Variants in MINDY3 observed in about 807,000 individuals in gnomAD.
MINDY3 encodes MINDY lysine 48 deubiquitinase 3, also known as ubiquitin carboxyl-terminal hydrolase MINDY-3.
MINDY3 carries 38 observed loss-of-function variants against 69.2 expected under a neutral mutation model. That is an observed-to-expected ratio of 0.55 (90% CI 0.42 to 0.72). The LOEUF is 0.72. Ranked by LOEUF, MINDY3 falls within the 30% of genes least tolerant of loss-of-function variation. The pLI, the probability that MINDY3 is intolerant of heterozygous loss-of-function variation, is 0.00. For missense variants in MINDY3, 522 were observed against 519.0 expected, an observed-to-expected ratio of 1.01 and a Z score of -0.06; for synonymous variants, 192 against 180.1, an observed-to-expected ratio of 1.07 and a Z score of -0.53.
At chr10:15,806,431 G>A (rs111792762) in intron 10 of MINDY3, among the ~76,000 whole-genome samples, 37 of 152,230 alleles carry the variant, frequency 2.4e-4, no homozygotes, top group African/African-American at 7.0e-4. Context: ...AACAAAAAGT[G>A]AGGGCCCCCA....
At chr10:15,858,636 C>T (rs1039670850) in intron 1 of MINDY3, among the ~76,000 whole-genome samples, 1 of 152,138 alleles carries the variant, frequency 6.6e-6, no homozygotes, top group African/African-American at 2.4e-5. Flanking sequence ...ATCACATGAA[C>T]CTGAACCAAG....
At chr10:15,815,136 T>G (rs149617105) in intron 10 of MINDY3, among the ~76,000 whole-genome samples, 1 of 152,350 alleles carries the variant, frequency 6.6e-6, no homozygotes, top group East Asian at 1.9e-4. Flanking sequence ...GAATTAATTT[T>G]CTTTTATGGT....
At chr10:15,822,403 T>G (rs1839828208) in intron 8 of MINDY3, among the ~76,000 whole-genome samples, 1 of 152,146 alleles carries the variant, frequency 6.6e-6, no homozygotes, top group Non-Finnish European at 1.5e-5. Context: ...ATAAAAGTGA[T>G]AACAGGGAGT....
chr10:15,859,049 T>C (rs1402763446), intron 1 of MINDY3, among the ~76,000 whole-genome samples: 1 of 152,210 alleles, frequency 6.6e-6, no homozygotes, highest in Non-Finnish European at 1.5e-5. Context: ...TTCTATCGAT[T>C]TGTGCAACTT....
At chr10:15,788,413 A>T (rs1837142247) in intron 12 of MINDY3, among the ~76,000 whole-genome samples, 1 of 152,092 alleles carries the variant, frequency 6.6e-6, no homozygotes, top group Non-Finnish European at 1.5e-5. Flanking sequence ...GTATGACTGA[A>T]CTCATCTAAA....
chr10:15,860,209 G>C lies in MINDY3; in HGVS notation c.91C>G (p.Gln31Glu), dbSNP rs1834998840. The C allele has an allele frequency of 1.2e-6, 2 of 1,605,678 alleles. No homozygotes were observed. Among genetic ancestry groups the C allele is most frequent in the Non-Finnish European group, 1.7e-6 (2 of 1,175,918 alleles). ...LSDTIFCRWT[Q>E]GFVFSESEGS... The stretch of plus-strand genomic sequence containing the variant: ...TGTGAGAGCCCCGCCAGGGTACCTT[G>C]CGTCCAGCGGCAGAAAATGGTGTCC... Residue 31 changes from glutamine (Q) to glutamate (E), a missense_variant, in exon 1 of 15, where the codon CAA becomes GAA. By Grantham distance (29) the Gln-to-Glu change is conservative. Transcript: ENST00000277632.
intron 12 of MINDY3, 63 bp downstream of exon 12, chr10:15,789,184 A>C: frequency 7.4e-7 from 1 of 1,345,054 alleles, no homozygotes; most frequent in Non-Finnish European, 1.1e-6. Context: ...AAAATGTACA[A>C]TATGTCTTAA....
chr10:15,808,971 AAG>A (rs1838818624), intron 10 of MINDY3, among the ~76,000 whole-genome samples: 1 of 152,136 alleles, frequency 6.6e-6, no homozygotes, highest in South Asian at 2.1e-4. Context: ...AAAAACAAAA[AAG>A]GCATTTATTA....
intron 10 of MINDY3, among the ~76,000 whole-genome samples, chr10:15,805,503 C>T (rs1488629917): frequency 2.0e-5 from 3 of 152,146 alleles, no homozygotes; most frequent in Non-Finnish European, 4.4e-5. Context: ...TGTTCAATCA[C>T]CTAGTGATAC....
In MINDY3 at chr10:15,833,639, A is replaced by G; in HGVS notation, c.721T>C (p.Ser241Pro). ...SNVWDGDREC[S>P]GMKLLGIHEQ... ...CAAGGAATATACTTACTCATTCCTG[A>G]GCACTCTCTATCACCATCCCATACA... The change falls in exon 8 of 15, where the codon TCA becomes CCA. Residue 241 changes from serine to proline, a missense_variant. Physicochemically the swap from Ser to Pro is moderately conservative, Grantham distance 74. Coordinates refer to ENST00000277632, the MANE Select transcript of MINDY3 (RefSeq NM_024948.4). 2 of 1,598,660 alleles carry G rather than the reference A, an allele frequency of 1.3e-6. No homozygotes were observed. The highest frequency in any genetic ancestry group is 1.7e-6 in the Non-Finnish European group (2 of 1,166,274).
chr10:15,827,359 T>C (rs143605867), intron 8 of MINDY3, among the ~76,000 whole-genome samples: 2,591 of 151,806 alleles, frequency 0.017, 54 homozygotes, highest in African/African-American at 0.056. Flanking sequence ...CTGGCTAACA[T>C]GGTAAAATCC....
intron 8 of MINDY3, among the ~76,000 whole-genome samples, chr10:15,825,996 T>C (rs1030664334): frequency 6.6e-6 from 1 of 151,948 alleles, no homozygotes; most frequent in Non-Finnish European, 1.5e-5. Flanking sequence ...ATAAACAATA[T>C]GGACAAAAAT....
intron 10 of MINDY3, among the ~76,000 whole-genome samples, chr10:15,800,046 C>CACTT (rs2131900448): frequency 6.6e-6 from 1 of 152,104 alleles, no homozygotes; most frequent in East Asian, 1.9e-4. Context: ...TGCATGGGTC[C>CACTT]ACTTATATGT....
In MINDY3 at chr10:15,805,967, C is replaced by T. The variant is rs114071477; in HGVS notation, c.883-9795G>A. On this transcript the variant is annotated intron_variant, in intron 10 of 14. Coordinates refer to ENST00000277632, the MANE Select transcript of MINDY3 (RefSeq NM_024948.4). ...AAAGAGGGTACATTGCTTTTAGAGACGTTAAAACATTCTCAAATTCCTTTT... is the reference window on the plus strand; with the variant it reads ...AAAGAGGGTACATTGCTTTTAGAGATGTTAAAACATTCTCAAATTCCTTTT... 5.3e-3 allele frequency among the ~76,000 whole-genome samples: 800 copies of T among 152,140 alleles called. 6 individuals carry two copies. Among genetic ancestry groups the T allele is most frequent in the African/African-American group, 0.018 (767 of 41,528 alleles).
chr10:15,821,635 G>A (rs1237133906), intron 9 of MINDY3, 21 bp downstream of exon 9: 1 of 1,572,586 alleles, frequency 6.4e-7, no homozygotes, highest in South Asian at 1.1e-5. Flanking sequence ...AACATTCAAA[G>A]TACCTTAAAA....
chr10:15,796,165 G>A lies in MINDY3; in HGVS notation c.890C>T (p.Ala297Val), dbSNP rs1389390180. The change falls in exon 11 of 15, where the codon GCT becomes GTT. Residue 297 changes from alanine (A) to valine (V), a missense_variant. Coordinates refer to ENST00000277632, the MANE Select transcript of MINDY3 (RefSeq NM_024948.4). ...HLTVFFAKDM[A>V]LVAPEAPSEQ... ...TGAAGGAGCTTCAGGGGCAACTAAAGCCATATCCTGAAAAGATAAGAAGCA... is the reference window on the plus strand; with the variant it reads ...TGAAGGAGCTTCAGGGGCAACTAAAACCATATCCTGAAAAGATAAGAAGCA... The A allele has an allele frequency of 1.2e-6, 2 of 1,612,314 alleles. No individual in the cohort carries two copies. The highest frequency in any genetic ancestry group is 2.2e-5 in the East Asian group (1 of 44,798).
At chr10:15,819,051 T>C (rs919791473) in intron 9 of MINDY3, among the ~76,000 whole-genome samples, 1 of 152,206 alleles carries the variant, frequency 6.6e-6, no homozygotes, top group Non-Finnish European at 1.5e-5. Flanking sequence ...TTATTCTTTG[T>C]TGGGTTTGTA....
chr10:15,800,837 C>A (rs982752029), intron 10 of MINDY3, among the ~76,000 whole-genome samples: 1 of 152,084 alleles, frequency 6.6e-6, no homozygotes, highest in Admixed American at 6.6e-5. Context: ...TGCAAAATAC[C>A]TCCTTGTACA....
chr10:15,834,985 C>G (rs184762497), intron 6 of MINDY3, among the ~76,000 whole-genome samples: 60 of 151,974 alleles, frequency 3.9e-4, no homozygotes, highest in African/African-American at 1.4e-3. Context: ...TTTTTTAGAT[C>G]ATGTAAAAAC....
Sources: allele counts gnomAD v4.1 joint callset (sites outside exome capture counted in the v4.1 genomes callset), GRCh38; gene constraint gnomAD v4.1.1; transcripts MANE v1.5; gene names NCBI Gene and HGNC (gene_info 2026-07-23, HGNC 2026-07-21).